COL14A1: variants seen among roughly 807,000 people sequenced by gnomAD.
The protein encoded by COL14A1 is collagen alpha-1(XIV) chain.
COL14A1 carries 136 observed loss-of-function variants against 230.3 expected under a neutral mutation model. The ratio of observed to expected loss-of-function variants is 0.59; its 90% CI spans 0.51 to 0.68. COL14A1 has a LOEUF of 0.68. Among genes scored for constraint, COL14A1 ranks in the 30% least tolerant of loss-of-function variants. The pLI, the probability that COL14A1 is intolerant of heterozygous loss-of-function variation, is 0.00. For missense variants in COL14A1, 1,976 were observed against 2,215.8 expected (o/e 0.89, Z 2.17); for synonymous variants, 792 against 784.1 (o/e 1.01, Z -0.17).
intron 22 of COL14A1, among the ~76,000 whole-genome samples, 175 bp downstream of exon 22, chr8:120,250,941 G>A (rs1586804609): frequency 6.6e-6 from 1 of 152,304 alleles, no homozygotes; most frequent in Admixed American, 6.5e-5. Context: ...TCGAGTAGCT[G>A]GGATTACAGG....
intron 44 of COL14A1, among the ~76,000 whole-genome samples, chr8:120,344,775 C>G (rs1474509350): frequency 3.3e-5 from 5 of 152,154 alleles, no homozygotes; most frequent in Non-Finnish European, 5.9e-5. Flanking sequence ...CTTTATACTT[C>G]TGATTAGTAA....
At position 120,174,998 on chromosome 8, in the gene COL14A1, C is replaced by G. The variant is rs148283759; in HGVS notation, c.436+6751C>G. On this transcript the variant is annotated intron_variant, in intron 5 of 47. Transcript: ENST00000297848. ...CTCTCGTGATCCACATTTAACTATA[C>G]TGCTCTTTGTTTTCCCTGAAATCTA... is the stretch of plus-strand genomic sequence containing the variant. Among the ~76,000 whole-genome samples, 704 of 152,262 alleles carry G rather than the reference C, an allele frequency of 4.6e-3. 3 individuals are homozygous for G. Among genetic ancestry groups the G allele is most frequent in the African/African-American group, 0.016 (678 of 41,554 alleles).
chr8:120,310,909 C>G (rs561191508), intron 37 of COL14A1, among the ~76,000 whole-genome samples: 1 of 152,298 alleles, frequency 6.6e-6, no homozygotes, highest in African/African-American at 2.4e-5. Context: ...CTCATTTTCA[C>G]CATGTTGCTC....
At chr8:120,332,570 T>G in intron 41 of COL14A1, 94 bp from the exon 42 acceptor site, 1 of 990,152 alleles carries the variant, frequency 1.0e-6, no homozygotes, top group African/African-American at 1.6e-5. Flanking sequence ...GAAGCTATCA[T>G]GGTGTGTATT....
intron 42 of COL14A1, among the ~76,000 whole-genome samples, chr8:120,337,588 A>C (rs1191282570): frequency 6.6e-6 from 1 of 152,084 alleles, no homozygotes; most frequent in African/African-American, 2.4e-5. Flanking sequence ...AATATGTAGG[A>C]CTTGAACCAC....
At chr8:120,319,640 AAGG>A (rs1255263253) in intron 40 of COL14A1, among the ~76,000 whole-genome samples, 1 of 152,220 alleles carries the variant, frequency 6.6e-6, no homozygotes, top group African/African-American at 2.4e-5. Flanking sequence ...AAATAATAAA[AAGG>A]AGAAGATGAA....
intron 2 of COL14A1, among the ~76,000 whole-genome samples, chr8:120,154,007 GTGT>G (rs1270259550): frequency 6.6e-6 from 1 of 152,134 alleles, no homozygotes; most frequent in Non-Finnish European, 1.5e-5. Flanking sequence ...GGGGGAGGTA[GTGT>G]TGTTCGTTGG....
intron 4 of COL14A1, among the ~76,000 whole-genome samples, chr8:120,163,420 C>T (rs1815757923): frequency 6.6e-6 from 1 of 152,150 alleles, no homozygotes; most frequent in African/African-American, 2.4e-5. Flanking sequence ...ATGGTCCAAT[C>T]AATGTCCACA....
At chr8:120,345,333 G>A (rs752842758) in intron 44 of COL14A1, 42 bp from the exon 45 acceptor site, 3 of 1,516,482 alleles carry the variant, frequency 2.0e-6, no homozygotes, top group East Asian at 5.1e-5. Context: ...CTTTCCTTGT[G>A]TGACAGTTCA....
rs372756963 is a variant in COL14A1 at position 120,135,022 on chromosome 8, G to T, written c.-38+9682G>T. On this transcript the variant is annotated intron_variant, in intron 1 of 47. Transcript: ENST00000297848. ...CAAAAAACAGATGAACAATCCTATA[G>T]AAAAATGACCAAGGATATGCTAGAG... 7.7e-4 allele frequency among the ~76,000 whole-genome samples: 117 copies of T among 152,192 alleles called. 1 individual carries two copies. Among genetic ancestry groups the T allele is most frequent in the African/African-American group, 2.7e-3 (114 of 41,524 alleles).
intron 2 of COL14A1, among the ~76,000 whole-genome samples, chr8:120,149,244 A>T (rs1427728044): frequency 6.6e-6 from 1 of 152,230 alleles, no homozygotes; most frequent in East Asian, 1.9e-4. Context: ...TGTAGAAAAG[A>T]TCAATGCATG....
chr8:120,270,896 A>T (rs1032477412), intron 26 of COL14A1, among the ~76,000 whole-genome samples: 2 of 151,808 alleles, frequency 1.3e-5, no homozygotes, highest in African/African-American at 2.4e-5. Context: ...AATATAAATC[A>T]TTCTACTGTA....
intron 14 of COL14A1, among the ~76,000 whole-genome samples, chr8:120,217,978 AATATATATTTACAAATATATAT>A: frequency 7.2e-6 from 1 of 139,852 alleles, no homozygotes; most frequent in Non-Finnish European, 1.5e-5. Flanking sequence ...TTAAATATAT[AATATATATTTACAAATATATAT>A]TATATATTTA....
chr8:120,367,043 T>A (rs905304013), intron 45 of COL14A1, 128 bp from the exon 46 acceptor site: 17 of 633,902 alleles, frequency 2.7e-5, no homozygotes, highest in Non-Finnish European at 3.8e-5. Context: ...CCCATGGTAC[T>A]CATAACCCCA....
At chr8:120,337,935 G>A (rs1288805400) in intron 42 of COL14A1, among the ~76,000 whole-genome samples, 1 of 152,104 alleles carries the variant, frequency 6.6e-6, no homozygotes, top group Non-Finnish European at 1.5e-5. Flanking sequence ...GCATCCTTTG[G>A]CTACTTAATA....
chr8:120,322,910 G>C (rs1222615715), intron 40 of COL14A1, among the ~76,000 whole-genome samples: 1 of 152,128 alleles, frequency 6.6e-6, no homozygotes, highest in Non-Finnish European at 1.5e-5. Flanking sequence ...TCCTTTGGGC[G>C]TATGCCCAGT....
chr8:120,288,265 T>C (rs1452008288), intron 33 of COL14A1, among the ~76,000 whole-genome samples: 2 of 152,160 alleles, frequency 1.3e-5, no homozygotes, highest in African/African-American at 4.8e-5. Context: ...AATGTTTCCA[T>C]ACTTGGGCAA....
intron 19 of COL14A1, among the ~76,000 whole-genome samples, chr8:120,234,263 G>T (rs142604191): frequency 0.016 from 2,506 of 152,274 alleles, 57 homozygotes; most frequent in African/African-American, 0.055. Flanking sequence ...TGCAAACAGA[G>T]ACAATTTGAC....
intron 34 of COL14A1, among the ~76,000 whole-genome samples, chr8:120,296,916 A>C (rs545222098): frequency 6.6e-6 from 1 of 152,146 alleles, no homozygotes; most frequent in East Asian, 1.9e-4. Flanking sequence ...CACTCCCTGT[A>C]AGTTCTTCTA....
Sources: gnomAD v4.1 joint callset for allele counts (sites outside exome capture counted in the v4.1 genomes callset) on GRCh38, gnomAD v4.1.1 for gene constraint, MANE v1.5 for transcripts, NCBI Gene and HGNC (gene_info 2026-07-23, HGNC 2026-07-21) for gene names.